Variants in SCP2 observed in about 807,000 individuals in gnomAD.
The protein encoded by SCP2 is sterol carrier protein 2, also known as SCP-2/3-oxoacyl-CoA thiolase.
Under a neutral mutation model 71.4 loss-of-function variants are expected in SCP2, and 48 were observed. That is an observed-to-expected ratio of 0.67 (90% CI 0.53 to 0.86). SCP2 has a LOEUF of 0.86. Ranked by LOEUF, SCP2 falls within the 40% of genes least tolerant of loss-of-function variation. The probability of loss-of-function intolerance (pLI) is 0.00; values close to 1 mark genes in which losing one functional copy is unlikely to be tolerated. For missense variants in SCP2, 560 were observed against 655.6 expected, an observed-to-expected ratio of 0.85 and a Z score of 1.59; for synonymous variants, 220 against 218.1, an observed-to-expected ratio of 1.01 and a Z score of -0.08.
chr1:53,009,202 C>T (rs927138875), intron 11 of SCP2, among the ~76,000 whole-genome samples: 3 of 152,110 alleles, frequency 2.0e-5, no homozygotes, highest in Non-Finnish European at 2.9e-5. Context: ...CCGTACTGCC[C>T]AAGGTAATTT....
rs370793572 is a variant in SCP2 at position 52,998,757 on chromosome 1, G to A, written c.1081+10621G>A. On this transcript the variant is annotated intron_variant, in intron 11 of 15. Transcript: ENST00000371514. ...TTCTTCAGAAAAGATTGTTATCGGCGTATATTTCCAACAGCAGAGTATGAG... is the reference window on the plus strand; with the variant it reads ...TTCTTCAGAAAAGATTGTTATCGGCATATATTTCCAACAGCAGAGTATGAG... Among the ~76,000 whole-genome samples, 4 of 152,256 alleles carry A rather than the reference G, an allele frequency of 2.6e-5. No homozygotes were observed. The East Asian group carries it at 5.8e-4, about 22-fold the overall frequency.
intron 8 of SCP2, 41 bp from the exon 9 acceptor site, chr1:52,978,176 G>C (rs187889315): frequency 5.0e-6 from 8 of 1,600,568 alleles, no homozygotes; most frequent in Middle Eastern, 2.2e-4. Context: ...CCTCCGATCA[G>C]GTGCTACTGG....
chr1:52,928,219 C>T (rs1652711102), intron 1 of SCP2, among the ~76,000 whole-genome samples: 2 of 152,220 alleles, frequency 1.3e-5, no homozygotes, highest in Admixed American at 6.5e-5. Context: ...TTACTGTGCT[C>T]GGCAGTACCG....
intron 11 of SCP2, chr1:52,995,340 C>A: frequency 4.2e-6 from 2 of 476,500 alleles, no homozygotes; most frequent in Non-Finnish European, 8.4e-6. Flanking sequence ...CCCTCTATGA[C>A]ATCTGCTCCC....
At chr1:52,953,698 G>A (rs188079283) in intron 4 of SCP2, among the ~76,000 whole-genome samples, 205 of 151,748 alleles carry the variant, frequency 1.4e-3, no homozygotes, top group Non-Finnish European at 1.6e-3. Flanking sequence ...TAATTTTTCT[G>A]TTATTAAAAA....
intron 5 of SCP2, 98 bp from the exon 6 acceptor site, chr1:52,961,405 G>A (rs1177880802): frequency 7.9e-7 from 1 of 1,266,108 alleles, no homozygotes. Flanking sequence ...GGTGTACTAT[G>A]TGCTTAGAAT....
rs368374118 is a variant in SCP2 at position 53,045,097 on chromosome 1, G to C, written c.1469-2761G>C. On this transcript the variant is annotated intron_variant, in intron 14 of 15. Transcript: ENST00000371514. ...TAAAATTTTTGTTGAAGTCTAGCCT[G>C]TAGTAAAGGGCGTAATTCCAGAGTG... 6.6e-5 allele frequency among the ~76,000 whole-genome samples: 10 copies of C among 152,216 alleles called. No individual in the cohort carries two copies. In the East Asian group the frequency reaches 1.9e-3, roughly 29 times the overall value.
At chr1:52,956,616 T>C (rs955738015) in intron 5 of SCP2, among the ~76,000 whole-genome samples, 2 of 152,142 alleles carry the variant, frequency 1.3e-5, no homozygotes, top group Non-Finnish European at 2.9e-5. Flanking sequence ...AGGGAAAGCA[T>C]CATGAGCCTA....
intron 4 of SCP2, among the ~76,000 whole-genome samples, chr1:52,953,060 C>CT (rs570429324): frequency 0.015 from 1,602 of 103,640 alleles, 31 homozygotes; most frequent in African/African-American, 0.03. Flanking sequence ...GCAATTCTGT[C>CT]TTTTTTTTTT....
intron 6 of SCP2, among the ~76,000 whole-genome samples, chr1:52,961,936 T>G (rs908484161): frequency 2.6e-5 from 4 of 152,144 alleles, no homozygotes; most frequent in African/African-American, 9.7e-5. Flanking sequence ...AGGGTTTCAC[T>G]CTGTTATGCA....
At position 52,959,484 on chromosome 1, in the gene SCP2, G is replaced by A. The variant is rs919262396; in HGVS notation, c.397-2019G>A. Among the ~76,000 whole-genome samples the A allele has an allele frequency of 1.1e-3, 168 of 152,060 alleles. 1 individual carries two copies. The highest frequency in any genetic ancestry group is 3.9e-3 in the African/African-American group (161 of 41,472). On this transcript the variant is annotated intron_variant, in intron 5 of 15. Transcript: ENST00000371514. Reference sequence around the variant, plus strand: ...TGAGATTACAGGCATGAGCCACCGCGCCCAGCCCTAAAATATTTTTAATTT... The same window carrying A: ...TGAGATTACAGGCATGAGCCACCGCACCCAGCCCTAAAATATTTTTAATTT...
Position 52,950,749 on chromosome 1 carries a change from A to G in SCP2, c.200-6A>G, listed in dbSNP as rs776290575. On this transcript the variant is annotated splice_polypyrimidine_tract_variant and splice_region_variant and intron_variant, in intron 3 of 15. Transcript: ENST00000371514. ...TCCATATTAAAATTTTTGTTTTTCTATTCAGGTGACTCTACCTGTGGGCAG... is the reference window on the plus strand; with the variant it reads ...TCCATATTAAAATTTTTGTTTTTCTGTTCAGGTGACTCTACCTGTGGGCAG... 14 of 1,612,992 alleles carry G rather than the reference A, an allele frequency of 8.7e-6. No homozygotes were observed. The South Asian group carries it at 1.4e-4, about 16-fold the overall frequency.
intron 1 of SCP2, among the ~76,000 whole-genome samples, chr1:52,930,609 G>C (rs1653062001): frequency 6.6e-6 from 1 of 151,142 alleles, no homozygotes; most frequent in Non-Finnish European, 1.5e-5. Context: ...CTGGGTAATG[G>C]GAGTGAGACT....
chr1:53,004,705 C>G (rs12080172), intron 11 of SCP2, among the ~76,000 whole-genome samples: 18,264 of 152,190 alleles, frequency 0.12, 1,871 homozygotes, highest in African/African-American at 0.29. Context: ...CAGCTCCCAG[C>G]GTGAGTGACG....
chr1:52,950,946 G>C, intron 4 of SCP2, 60 bp downstream of exon 4: 1 of 1,500,672 alleles, frequency 6.7e-7, no homozygotes, highest in Non-Finnish European at 9.3e-7. Flanking sequence ...TTAATCACAC[G>C]ACCATCAGAG....
intron 13 of SCP2, among the ~76,000 whole-genome samples, chr1:53,032,513 G>A (rs1454767660): frequency 1.3e-5 from 2 of 152,162 alleles, no homozygotes; most frequent in African/African-American, 4.8e-5. Flanking sequence ...GTCCTGGGAT[G>A]GGGTATGAGT....
chr1:52,969,118 G>A (rs1257654581), intron 6 of SCP2, among the ~76,000 whole-genome samples: 1 of 151,348 alleles, frequency 6.6e-6, no homozygotes, highest in Non-Finnish European at 1.5e-5. Flanking sequence ...GACAGAAGAG[G>A]TGGAAGAGGA....
At chr1:53,014,052 C>G (rs969519713) in intron 11 of SCP2, among the ~76,000 whole-genome samples, 1 of 147,356 alleles carries the variant, frequency 6.8e-6, no homozygotes, top group Admixed American at 6.9e-5. Context: ...CCTGCCACCA[C>G]GCCCGGCTAA....
intron 11 of SCP2, among the ~76,000 whole-genome samples, chr1:52,998,013 C>G (rs1284618755): frequency 6.6e-6 from 1 of 152,104 alleles, no homozygotes; most frequent in Non-Finnish European, 1.5e-5. Flanking sequence ...TGTATGTATT[C>G]TTTTGTGTTT....
Sources: allele counts gnomAD v4.1 joint callset (sites outside exome capture counted in the v4.1 genomes callset), GRCh38; gene constraint gnomAD v4.1.1; transcripts MANE v1.5; gene names NCBI Gene and HGNC (gene_info 2026-07-23, HGNC 2026-07-21).